Variants in MACF1 observed in about 807,000 individuals in gnomAD.
MACF1 encodes microtubule-actin cross-linking factor 1.
Under a neutral mutation model 854.8 loss-of-function variants are expected in MACF1, and 193 were observed. The observed-to-expected ratio is 0.23, with a 90% CI of 0.20 to 0.25. The LOEUF (loss-of-function observed/expected upper bound fraction) is 0.25, where lower values mean the gene tolerates loss of function less well. MACF1 is among the 10% of genes least tolerant of loss of function. The pLI is 1.00. For missense variants in MACF1, 7,722 were observed against 8,929.1 expected (o/e 0.86, Z 5.45); for synonymous variants, 3,185 against 3,226.7 (o/e 0.99, Z 0.44).
At chr1:39,102,678 T>C in intron 2 of MACF1, 1 of 680,256 alleles carries the variant, frequency 1.5e-6, no homozygotes, top group Non-Finnish European at 2.7e-6. Flanking sequence ...ATTAATTTCC[T>C]TGTATTACTC....
At chr1:39,133,109 C>T (rs1182081691) in intron 2 of MACF1, among the ~76,000 whole-genome samples, 2 of 152,162 alleles carry the variant, frequency 1.3e-5, no homozygotes, top group East Asian at 1.9e-4. Flanking sequence ...GCTGGATGCC[C>T]CTTGATCCCT....
chr1:39,351,949 A>G (rs929428474), intron 43 of MACF1, among the ~76,000 whole-genome samples: 9 of 152,156 alleles, frequency 5.9e-5, no homozygotes, highest in African/African-American at 1.9e-4. Context: ...AAAAATATCT[A>G]TGAAGTCTTA....
chr1:39,102,873 C>T (rs1269874816), intron 2 of MACF1: 4 of 702,348 alleles, frequency 5.7e-6, no homozygotes, highest in Admixed American at 2.0e-5. Flanking sequence ...TTGAAAGAAG[C>T]GAAAAACCTC....
chr1:39,358,011 A>G, intron 45 of MACF1, 118 bp downstream of exon 45: 3 of 1,069,326 alleles, frequency 2.8e-6, no homozygotes, highest in Admixed American at 2.9e-5. Context: ...GCTGATTTAT[A>G]CTTGGACCAT....
intron 26 of MACF1, among the ~76,000 whole-genome samples, chr1:39,312,166 G>T (rs1175227229): frequency 2.0e-5 from 3 of 152,186 alleles, no homozygotes; most frequent in African/African-American, 7.2e-5. Context: ...TGAGGCTTCA[G>T]TTAGCTATAA....
chr1:39,265,961 C>T (rs1218997900), intron 6 of MACF1, among the ~76,000 whole-genome samples: 1 of 152,210 alleles, frequency 6.6e-6, no homozygotes, highest in Non-Finnish European at 1.5e-5. Context: ...GAAACTGAAC[C>T]ATCTAATAAA....
In MACF1 at chr1:39,476,358, C is replaced by G. The variant is rs556607154; in HGVS notation, c.21959-3440C>G. Among the ~76,000 whole-genome samples the G allele has an allele frequency of 2.6e-5, 4 of 152,042 alleles. No homozygotes were observed. The East Asian group carries it at 7.8e-4, about 30-fold the overall frequency. ...GGCCGAGGCGGGCAGATCACGAGGT[C>G]AGGAGATGGAGACCATCCTGGCTAA... On this transcript the variant is annotated intron_variant, in intron 97 of 100. Coordinates refer to ENST00000564288, the MANE Select transcript of MACF1 (RefSeq NM_001394062.1).
chr1:39,472,480 A>C (rs553373453), intron 97 of MACF1, among the ~76,000 whole-genome samples: 2 of 152,272 alleles, frequency 1.3e-5, no homozygotes, highest in East Asian at 3.9e-4. Flanking sequence ...TGCCCCCTTA[A>C]CACCTTTTTT....
intron 33 of MACF1, among the ~76,000 whole-genome samples, chr1:39,323,321 A>G (rs892658660): frequency 6.6e-6 from 1 of 152,120 alleles, no homozygotes; most frequent in Non-Finnish European, 1.5e-5. Context: ...AGCCTGGGCA[A>G]TAGGCTGTCT....
intron 2 of MACF1, among the ~76,000 whole-genome samples, chr1:39,097,444 T>G (rs1641965029): frequency 6.6e-6 from 1 of 152,050 alleles, no homozygotes; most frequent in South Asian, 2.1e-4. Context: ...GGCGGGAGGA[T>G]AGCACAGTGG....
intron 2 of MACF1, among the ~76,000 whole-genome samples, chr1:39,197,709 AC>A (rs1289005716): frequency 6.6e-6 from 1 of 151,828 alleles, no homozygotes; most frequent in East Asian, 2.0e-4. Flanking sequence ...ACATAGTGAG[AC>A]CCCATCTTCA....
chr1:39,447,411 TGTG>T lies in MACF1; in HGVS notation c.19606-20_19606-18del. ...TTGGCGCTTTTTCTTTCTGTGTGTGTGTGTTTTACTTGAAATTCAGTCAAAGCT... is the reference window on the plus strand; with the variant it reads ...TTGGCGCTTTTTCTTTCTGTGTGTGTTTTTACTTGAAATTCAGTCAAAGCT... On this transcript the variant is annotated intron_variant, in intron 80 of 100. Coordinates refer to ENST00000564288, the MANE Select transcript of MACF1 (RefSeq NM_001394062.1). The T allele has an allele frequency of 6.2e-7, 1 of 1,612,546 alleles. No individual in the cohort carries two copies. Among genetic ancestry groups the T allele is most frequent in the South Asian group, 1.1e-5 (1 of 91,004 alleles).
intron 53 of MACF1, among the ~76,000 whole-genome samples, 156 bp downstream of exon 53, chr1:39,378,679 A>G (rs1203730767): frequency 2.0e-5 from 3 of 152,238 alleles, no homozygotes; most frequent in Non-Finnish European, 2.9e-5. Context: ...TTTGCTGGCT[A>G]TAGACCATAA....
chr1:39,443,374 A>G (rs532629862), intron 78 of MACF1, 72 bp from the exon 79 acceptor site: 12 of 1,505,386 alleles, frequency 8.0e-6, no homozygotes, highest in South Asian at 7.8e-5. Context: ...AACTCCTCAT[A>G]TCATTTGGAA....
At chr1:39,157,051 C>T (rs1389851343) in intron 2 of MACF1, among the ~76,000 whole-genome samples, 3 of 151,730 alleles carry the variant, frequency 2.0e-5, no homozygotes. Flanking sequence ...CTCACTGTAG[C>T]CTCAACTTCC....
intron 1 of MACF1, among the ~76,000 whole-genome samples, chr1:39,230,077 C>T (rs1644761026): frequency 6.6e-6 from 1 of 152,082 alleles, no homozygotes; most frequent in African/African-American, 2.4e-5. Context: ...TGTAGATGTC[C>T]TTAATGAATA....
At chr1:39,476,661 A>G (rs1644890220) in intron 97 of MACF1, among the ~76,000 whole-genome samples, 1 of 152,216 alleles carries the variant, frequency 6.6e-6, no homozygotes, top group Admixed American at 6.5e-5. Flanking sequence ...ATTGGCTACA[A>G]TGTTTAAAAT....
In MACF1 at chr1:39,444,793, G is replaced by C; in HGVS notation, c.19563G>C (p.Glu6521Asp). ...CAGAACAGAGTGTAGCACTTTTGGA[G>C]CAGAAGTGGCATGTGGTCAGCAGTA... The part of the protein sequence containing the change: ...SKTEQSVALL[E>D]QKWHVVSSKM... Residue 6521 changes from glutamate to aspartate, a missense_variant, in exon 80 of 101, where the codon GAG becomes GAC. Glu to Asp is a conservative substitution (Grantham distance 45). Coordinates refer to ENST00000564288, the MANE Select transcript of MACF1 (RefSeq NM_001394062.1). The C allele has an allele frequency of 6.2e-7, 1 of 1,613,478 alleles. No individual in the cohort carries two copies. Among genetic ancestry groups the C allele is most frequent in the Non-Finnish European group, 8.5e-7 (1 of 1,179,460 alleles).
At chr1:39,395,469 G>A (rs1642235521) in intron 58 of MACF1, among the ~76,000 whole-genome samples, 1 of 152,184 alleles carries the variant, frequency 6.6e-6, no homozygotes, top group Admixed American at 6.5e-5. Flanking sequence ...CTTAATCTGT[G>A]TCTGGCTTAA....
Sources: allele counts gnomAD v4.1 joint callset (sites outside exome capture counted in the v4.1 genomes callset), GRCh38; gene constraint gnomAD v4.1.1; transcripts MANE v1.5; gene names NCBI Gene and HGNC (gene_info 2026-07-23, HGNC 2026-07-21).